The following GNB3 variants were observed in gnomAD, a reference collection of about 807,000 sequenced individuals.
GNB3 encodes G protein subunit beta 3, also known as guanine nucleotide-binding protein G(I)/G(S)/G(T) subunit beta-3.
In GNB3, 33 loss-of-function variants were observed where a neutral mutation model predicts 41.2. The ratio of observed to expected loss-of-function variants is 0.80; its 90% CI spans 0.61 to 1.07. GNB3 has a LOEUF of 1.07. Ranked by LOEUF, GNB3 falls within the 50% of genes least tolerant of loss-of-function variation. GNB3 has a pLI of 0.00. For synonymous variants in GNB3, 172 were observed against 173.4 expected (o/e 0.99, Z 0.06); for missense variants, 409 against 455.3 (o/e 0.90, Z 0.92).
At chr12:6,846,461 A>G (rs1007058310) in intron 9 of GNB3, 22 of 241,284 alleles carry the variant, frequency 9.1e-5, no homozygotes, top group Non-Finnish European at 1.5e-4. Flanking sequence ...AGATGCTTCC[A>G]GCCTTTCTCT....
Position 6,842,996 on chromosome 12 carries a change from A to G in GNB3, c.123A>G (p.Gly41=), listed in dbSNP as rs1555123695. ...TGGTGTCTGGCCTAGAGGTGGTGGGACGAGTCCAGATGCGGACGCGGCGGA... is the reference window on the plus strand; with the variant it reads ...TGGTGTCTGGCCTAGAGGTGGTGGGGCGAGTCCAGATGCGGACGCGGCGGA... ...AELVSGLEVV[G]RVQMRTRRTL... is the part of the protein sequence containing the mutation. The change falls in exon 4 of 10, where the codon GGA becomes GGG. Residue 41 remains glycine (G), a synonymous_variant. Coordinates refer to ENST00000229264, the MANE Select transcript of GNB3 (RefSeq NM_002075.4). 1 of 1,553,208 alleles carries G rather than the reference A, an allele frequency of 6.4e-7. No individual in the cohort carries two copies. Among genetic ancestry groups the G allele is most frequent in the Non-Finnish European group, 8.7e-7 (1 of 1,144,174 alleles).
At position 6,843,104 on chromosome 12, in the gene GNB3, G is replaced by C; in HGVS notation, c.203+28G>C. On this transcript the variant is annotated intron_variant, in intron 4 of 9. Coordinates refer to ENST00000229264, the MANE Select transcript of GNB3 (RefSeq NM_002075.4). This position sits in a 1 kb window ranked among gnomAD's most constrained non-coding sequence, Gnocchi z 5.9. ...GAGGCTTGGGGGGGAACCGAGAATG[G>C]GAGGGTGAGAGCGGGAGTGAGGAAG... is the stretch of plus-strand genomic sequence containing the variant. 1.2e-6 allele frequency: 2 copies of C among 1,602,012 alleles called. No homozygotes were observed. The highest frequency in any genetic ancestry group is 8.6e-7 in the Non-Finnish European group (1 of 1,169,424).
At chr12:6,842,396 T>A (rs1555123575) in intron 3 of GNB3, among the ~76,000 whole-genome samples, 2 of 152,098 alleles carry the variant, frequency 1.3e-5, no homozygotes, top group African/African-American at 4.8e-5. Context: ...ATAAAAAAAA[T>A]TGCTTTTAAC....
chr12:6,846,137 A>C (rs549310606), intron 9 of GNB3: 8 of 321,422 alleles, frequency 2.5e-5, no homozygotes, highest in Non-Finnish European at 4.1e-5. Context: ...GAAACATGGA[A>C]TCAAGGCAGA....
intron 3 of GNB3, 70 bp downstream of exon 3, chr12:6,841,694 C>A: frequency 2.7e-6 from 3 of 1,104,500 alleles, no homozygotes; most frequent in Non-Finnish European, 4.1e-6. Context: ...CCCGCAATAG[C>A]GCGTTGCTCC....
At position 6,843,635 on chromosome 12, in the gene GNB3, A is replaced by C. The variant is rs150490302; in HGVS notation, c.434A>C (p.Tyr145Ser). The change falls in exon 7 of 10, where the codon TAT (tyrosine) becomes TCT (serine). Residue 145 changes from tyrosine (Y) to serine (S), a missense_variant. Coordinates refer to ENST00000229264, the MANE Select transcript of GNB3 (RefSeq NM_002075.4). This position sits in a 1 kb window ranked among gnomAD's most constrained non-coding sequence, Gnocchi z 5.9. ...CTGTCCTTCTAACCGCCTCCAGGTT[A>C]TCTCTCCTGCTGCCGCTTCCTGGAT... ...VSRELSAHTGYLSCCRFLDDN... is the reference protein window; with the variant it reads ...VSRELSAHTGSLSCCRFLDDN... 127 of 1,614,156 alleles carry C rather than the reference A, an allele frequency of 7.9e-5. No individual in the cohort carries two copies. Among genetic ancestry groups the C allele is most frequent in the South Asian group, 2.0e-4 (18 of 91,088 alleles).
rs1162915409 is a variant in GNB3 at position 6,841,427 on chromosome 12, T to G, written c.57+83T>G. 8.5e-6 allele frequency: 11 copies of G among 1,297,378 alleles called. No individual in the cohort carries two copies. The East Asian group carries it at 9.8e-5, about 12-fold the overall frequency. The allele number at this position is 1,297,378 out of a possible 1,614,324, so 80.4% of individuals were successfully genotyped here. On this transcript the variant is annotated intron_variant, in intron 2 of 9. Transcript: ENST00000229264. ...TGGCCCAGGGGGAGGGGGCTGGGTT[T>G]GCTCTTGAGTGACTAGAAGTGACCA...
intron 9 of GNB3, 21 bp downstream of exon 9, chr12:6,845,823 C>T (rs780628128): frequency 1.6e-5 from 25 of 1,565,568 alleles, no homozygotes; most frequent in Non-Finnish European, 2.0e-5. Flanking sequence ...GCCCTGGCTG[C>T]TGCTTCCTCA....
intron 8 of GNB3, 164 bp from the exon 9 acceptor site, chr12:6,845,422 T>G: frequency 1.6e-6 from 1 of 611,650 alleles, no homozygotes; most frequent in South Asian, 1.9e-5. Context: ...TGGCACGTGG[T>G]ATGTGTTGGC....
chr12:6,842,921 T>A, intron 3 of GNB3, 49 bp from the exon 4 acceptor site: 1 of 1,223,372 alleles, frequency 8.2e-7, no homozygotes, highest in Non-Finnish European at 1.2e-6. Context: ...GACAGACATC[T>A]GGGCACGTAA....
In GNB3 at chr12:6,845,652, C is replaced by G. The variant is rs782167184; in HGVS notation, c.766C>G (p.Arg256Gly). 1 of 1,613,824 alleles carries G rather than the reference C, an allele frequency of 6.2e-7. No homozygotes were observed. Among genetic ancestry groups the G allele is most frequent in the African/African-American group, 1.3e-5 (1 of 74,920 alleles). ...CGCTTCCTGCCGCTTGTTTGACCTG[C>G]GGGCAGACCAGGAGCTGATCTGCTT... ...DDASCRLFDL[R>G]ADQELICFSH... Residue 256 changes from arginine to glycine, a missense_variant, in exon 9 of 10, where the codon CGG (arginine) becomes GGG (glycine). Transcript: ENST00000229264.
At chr12:6,846,428 C>T (rs1261975107) in intron 9 of GNB3, 2 of 191,754 alleles carry the variant, frequency 1.0e-5, no homozygotes, top group Non-Finnish European at 2.1e-5. Flanking sequence ...GTCAAGGTGC[C>T]CTCGGGTTTT....
In GNB3 at chr12:6,843,198, T is replaced by G. The variant is rs1308922212; in HGVS notation, c.228T>G (p.Asp76Glu). Residue 76 changes from aspartate (D) to glutamate (E), a missense_variant, in exon 5 of 10, where the codon GAT becomes GAG. Asp to Glu is a conservative substitution (Grantham distance 45). Transcript: ENST00000229264. The surrounding 1 kb of genome is among the most constrained non-coding windows in gnomAD (Gnocchi z 5.9). ...GGCTGCTGGTAAGTGCCTCGCAAGA[T>G]GGGAAGCTGATCGTGTGGGACAGCT... ...DSKLLVSASQ[D>E]GKLIVWDSYT... The G allele has an allele frequency of 6.2e-7, 1 of 1,614,014 alleles. No homozygotes were observed. Among genetic ancestry groups the G allele is most frequent in the Admixed American group, 1.7e-5 (1 of 60,018 alleles).
At chr12:6,846,008 C>T in intron 9 of GNB3, 1 of 579,686 alleles carries the variant, frequency 1.7e-6, no homozygotes, top group Non-Finnish European at 3.1e-6. Flanking sequence ...CAGCCTCTCT[C>T]CACTGCCCAA....
In GNB3 at chr12:6,846,937, C is replaced by A. The variant is rs539025632; in HGVS notation, c.*39C>A. The A allele has an allele frequency of 1.7e-6, 2 of 1,154,072 alleles. No homozygotes were observed. Among genetic ancestry groups the A allele is most frequent in the South Asian group, 1.3e-5 (1 of 76,366 alleles). 71.5% of individuals were successfully genotyped at this position (1,154,072 alleles called of 1,614,324 possible). ...AGGGAAGTGGAAGGCAGTGAACACA[C>A]TCAGCAGCCCCCTGCCCGACCCCAT... On this transcript the variant is annotated 3_prime_UTR_variant, in exon 10 of 10. Coordinates refer to ENST00000229264, the MANE Select transcript of GNB3 (RefSeq NM_002075.4).
At chr12:6,846,693 A>C (rs1416563186) in intron 9 of GNB3, 99 bp from the exon 10 acceptor site, 3 of 652,268 alleles carry the variant, frequency 4.6e-6, no homozygotes, top group South Asian at 1.7e-5. Flanking sequence ...CCACATACAC[A>C]CACACACCCA....
Position 6,845,808 on chromosome 12 carries a change from G to A in GNB3, c.916+6G>A. The stretch of plus-strand genomic sequence containing the variant: ...CATGAAGTCTGAGCGTGTGGGTAAG[G>A]GCCAGCCCTGGCTGCTGCTTCCTCA... On this transcript the variant is annotated splice_donor_region_variant and intron_variant, in intron 9 of 9. Transcript: ENST00000229264. 6.3e-7 allele frequency: 1 copy of A among 1,597,618 alleles called. No individual in the cohort carries two copies. Among genetic ancestry groups the A allele is most frequent in the Non-Finnish European group, 8.6e-7 (1 of 1,165,326 alleles).
At chr12:6,844,467 C>A in intron 8 of GNB3, among the ~76,000 whole-genome samples, 1 of 151,952 alleles carries the variant, frequency 6.6e-6, no homozygotes, top group East Asian at 1.9e-4. Context: ...GTTGCCCAGT[C>A]TGGATGCAGT....
intron 8 of GNB3, among the ~76,000 whole-genome samples, chr12:6,844,497 G>A (rs782691641): frequency 4.6e-5 from 7 of 152,148 alleles, no homozygotes; most frequent in African/African-American, 1.2e-4. Context: ...ATAGCTCACC[G>A]CAGTCTCAAC....
Sources: gnomAD v4.1 joint callset for allele counts (sites outside exome capture counted in the v4.1 genomes callset) on GRCh38, gnomAD v4.1.1 for gene constraint, Gnocchi (gnomAD v3.1) non-coding constraint, MANE v1.5 for transcripts, NCBI Gene and HGNC (gene_info 2026-07-23, HGNC 2026-07-21) for gene names.